The following EDIL3 variants were observed in gnomAD, a reference collection of about 807,000 sequenced individuals.
EDIL3 encodes EGF-like repeat and discoidin I-like domain-containing protein 3.
In EDIL3, 37 loss-of-function variants were observed where a neutral mutation model predicts 67.4. The ratio of observed to expected loss-of-function variants is 0.55; its 90% CI spans 0.42 to 0.72. The LOEUF is 0.72. Among genes scored for constraint, EDIL3 ranks in the 30% least tolerant of loss-of-function variants. The pLI, the probability that EDIL3 is intolerant of heterozygous loss-of-function variation, is 0.00. For synonymous variants in EDIL3, 195 were observed against 196.3 expected (o/e 0.99, Z 0.05); for missense variants, 527 against 586.3 (o/e 0.90, Z 1.04).
intron 9 of EDIL3, among the ~76,000 whole-genome samples, chr5:84,000,348 T>C (rs1201379916): frequency 2.0e-5 from 3 of 152,144 alleles, no homozygotes; most frequent in African/African-American, 7.2e-5. Flanking sequence ...TGACCACTTT[T>C]AAAGATTTAG....
intron 3 of EDIL3, among the ~76,000 whole-genome samples, chr5:84,210,961 T>C (rs981081116): frequency 1.5e-4 from 23 of 152,348 alleles, no homozygotes; most frequent in Admixed American, 5.2e-4. Flanking sequence ...GTACATCTAC[T>C]GTCACTATTG....
At chr5:84,305,984 C>A (rs1746268961) in intron 1 of EDIL3, among the ~76,000 whole-genome samples, 1 of 152,044 alleles carries the variant, frequency 6.6e-6, no homozygotes, top group African/African-American at 2.4e-5. Context: ...CATGTCCCCC[C>A]AGATTCTCTG....
At chr5:84,305,169 A>C (rs1489006221) in intron 1 of EDIL3, among the ~76,000 whole-genome samples, 2 of 152,252 alleles carry the variant, frequency 1.3e-5, no homozygotes, top group African/African-American at 4.8e-5. Flanking sequence ...CTTAAGCAGT[A>C]ATTAAATAAC....
chr5:84,217,407 A>T (rs1294282898), intron 3 of EDIL3, among the ~76,000 whole-genome samples: 2 of 152,162 alleles, frequency 1.3e-5, no homozygotes, highest in Non-Finnish European at 2.9e-5. Context: ...TACGGTGCCC[A>T]ACTTCTTGGT....
intron 10 of EDIL3, among the ~76,000 whole-genome samples, chr5:83,956,425 C>T (rs1231669620): frequency 6.6e-6 from 1 of 151,634 alleles, no homozygotes; most frequent in African/African-American, 2.4e-5. Context: ...ATAAGTGGGT[C>T]CCTATTATGT....
At chr5:84,263,474 T>A (rs1294583546) in intron 1 of EDIL3, among the ~76,000 whole-genome samples, 1 of 152,164 alleles carries the variant, frequency 6.6e-6, no homozygotes, top group African/African-American at 2.4e-5. Flanking sequence ...AGGAGTTAGA[T>A]GAAAGCATGG....
chr5:84,034,867 C>A (rs1036526436), intron 9 of EDIL3, among the ~76,000 whole-genome samples: 5 of 152,052 alleles, frequency 3.3e-5, no homozygotes, highest in Admixed American at 6.6e-5. Context: ...CTAGTCTAAG[C>A]CAGGCTGGCC....
chr5:84,296,745 T>C (rs778739295), intron 1 of EDIL3, among the ~76,000 whole-genome samples: 3 of 152,192 alleles, frequency 2.0e-5, no homozygotes, highest in Non-Finnish European at 4.4e-5. Flanking sequence ...GCCTATGTCC[T>C]GAATGGTATT....
At chr5:84,103,519 GAAA>G (rs200008476) in intron 6 of EDIL3, among the ~76,000 whole-genome samples, 2 of 150,138 alleles carry the variant, frequency 1.3e-5, no homozygotes, top group African/African-American at 4.9e-5. Context: ...AAATTTTCAA[GAAA>G]AAAAACAAAC....
chr5:84,138,191 A>C (rs1052356247), intron 4 of EDIL3, among the ~76,000 whole-genome samples: 1 of 151,808 alleles, frequency 6.6e-6, no homozygotes, highest in Non-Finnish European at 1.5e-5. Context: ...AGCACACACC[A>C]CTCCCCATCT....
chr5:84,344,002 T>C (rs962425214), intron 1 of EDIL3, among the ~76,000 whole-genome samples: 1 of 152,118 alleles, frequency 6.6e-6, no homozygotes, highest in African/African-American at 2.4e-5. Context: ...AACACCACTT[T>C]TCTGAGAAAT....
chr5:84,103,693 C>T (rs936140252), intron 6 of EDIL3, among the ~76,000 whole-genome samples: 22 of 151,850 alleles, frequency 1.4e-4, no homozygotes, highest in African/African-American at 5.3e-4. Context: ...GTCAGAATGG[C>T]TATTACTAAA....
chr5:84,257,877 A>G (rs1167245488), intron 1 of EDIL3, among the ~76,000 whole-genome samples: 1 of 152,176 alleles, frequency 6.6e-6, no homozygotes, highest in Non-Finnish European at 1.5e-5. Flanking sequence ...CCTTAGGCAT[A>G]CCAACAAATA....
intron 9 of EDIL3, among the ~76,000 whole-genome samples, chr5:84,055,837 T>C (rs950157585): frequency 1.3e-5 from 2 of 152,126 alleles, no homozygotes; most frequent in Non-Finnish European, 2.9e-5. Context: ...TGTGAAGACA[T>C]AGGAACACTT....
chr5:84,148,208 TG>T (rs1191257055), intron 4 of EDIL3, among the ~76,000 whole-genome samples: 1 of 152,172 alleles, frequency 6.6e-6, no homozygotes, highest in Non-Finnish European at 1.5e-5. Context: ...TTCTTGGTTA[TG>T]GCCATGGAGG....
chr5:84,119,875 T>A (rs1287381309), intron 5 of EDIL3, among the ~76,000 whole-genome samples: 6 of 151,942 alleles, frequency 3.9e-5, no homozygotes, highest in Admixed American at 1.3e-4. Flanking sequence ...GATTTCTGTA[T>A]CTTCAGCATA....
intron 4 of EDIL3, among the ~76,000 whole-genome samples, chr5:84,172,603 C>CA (rs1293657762): frequency 9.6e-4 from 145 of 150,670 alleles, no homozygotes; most frequent in African/African-American, 3.3e-3. Flanking sequence ...ACAACAACAA[C>CA]AACAACAAAA....
chr5:83,971,199 C>G (rs1039061789), intron 9 of EDIL3, among the ~76,000 whole-genome samples: 1 of 151,020 alleles, frequency 6.6e-6, no homozygotes, highest in Admixed American at 6.6e-5. Context: ...AATATAGCAC[C>G]TCTCTTATTT....
chr5:84,326,877 T>A (rs1746769625), intron 1 of EDIL3, among the ~76,000 whole-genome samples: 1 of 151,980 alleles, frequency 6.6e-6, no homozygotes, highest in African/African-American at 2.4e-5. Context: ...TCATTGTTTT[T>A]AACCTTTTAA....
Sources: gnomAD v4.1 joint callset for allele counts (sites outside exome capture counted in the v4.1 genomes callset) on GRCh38, gnomAD v4.1.1 for gene constraint, MANE v1.5 for transcripts, NCBI Gene and HGNC (gene_info 2026-07-23, HGNC 2026-07-21) for gene names.